Variants in NUP210L observed in about 807,000 individuals in gnomAD.
The protein encoded by NUP210L is nuclear pore membrane glycoprotein 210-like.
NUP210L carries 74 observed loss-of-function variants against 208.5 expected under a neutral mutation model. That is an observed-to-expected ratio of 0.35 (90% CI 0.29 to 0.43). The LOEUF is 0.43. Among genes scored for constraint, NUP210L ranks in the 20% least tolerant of loss-of-function variants. The pLI is 1.00. For missense variants in NUP210L, 1,843 were observed against 2,289.4 expected (o/e 0.81, Z 3.98); for synonymous variants, 780 against 816.9 (o/e 0.95, Z 0.77).
chr1:154,118,862 A>C, intron 10 of NUP210L, 54 bp from the exon 11 acceptor site: 1 of 1,083,274 alleles, frequency 9.2e-7, no homozygotes, highest in Non-Finnish European at 1.3e-6. Context: ...TATTCTTATA[A>C]TACACATTCA....
At chr1:154,067,720 T>G (rs1288945099) in intron 17 of NUP210L, among the ~76,000 whole-genome samples, 1 of 152,220 alleles carries the variant, frequency 6.6e-6, no homozygotes, top group African/African-American at 2.4e-5. Context: ...CCAAATCTCC[T>G]TAAGCTGATA....
intron 35 of NUP210L, among the ~76,000 whole-genome samples, chr1:154,007,404 A>G (rs1571159323): frequency 6.6e-6 from 1 of 151,828 alleles, no homozygotes; most frequent in African/African-American, 2.4e-5. Context: ...CTGGGATTAC[A>G]GGCATGTGCC....
At chr1:154,144,700 A>G (rs1217534390) in intron 2 of NUP210L, among the ~76,000 whole-genome samples, 1 of 152,226 alleles carries the variant, frequency 6.6e-6, no homozygotes, top group East Asian at 1.9e-4. Context: ...GCTTCATCCA[A>G]AAAAACCAAA....
chr1:154,136,030 A>G, intron 6 of NUP210L, 58 bp from the exon 7 acceptor site: 1 of 1,158,962 alleles, frequency 8.6e-7, no homozygotes, highest in East Asian at 2.3e-5. Flanking sequence ...GTAGATAATG[A>G]TGTATTCTTG....
chr1:154,014,641 A>C (rs953494298), intron 33 of NUP210L, among the ~76,000 whole-genome samples: 2 of 152,222 alleles, frequency 1.3e-5, no homozygotes, highest in African/African-American at 2.4e-5. Context: ...TTATGTCACC[A>C]CTAGACTATG....
chr1:154,108,065 T>C (rs1163011855), intron 12 of NUP210L, among the ~76,000 whole-genome samples: 1 of 152,062 alleles, frequency 6.6e-6, no homozygotes, highest in Non-Finnish European at 1.5e-5. Flanking sequence ...GGAATAACTA[T>C]AACAACTATT....
chr1:154,012,863 G>A (rs1200122187), intron 33 of NUP210L, among the ~76,000 whole-genome samples: 2 of 151,794 alleles, frequency 1.3e-5, no homozygotes, highest in African/African-American at 2.4e-5. Context: ...AAAATTAGCC[G>A]GGCTTGGTGG....
At chr1:154,138,328 A>G in intron 5 of NUP210L, 90 bp from the exon 6 acceptor site, 1 of 1,174,804 alleles carries the variant, frequency 8.5e-7, no homozygotes, top group Non-Finnish European at 1.2e-6. Context: ...ACTTCTTTTA[A>G]ACTTCTTTTA....
chr1:154,090,810 TA>T (rs78712088), intron 15 of NUP210L, among the ~76,000 whole-genome samples: 579 of 135,256 alleles, frequency 4.3e-3, no homozygotes, highest in Non-Finnish European at 3.9e-3. Flanking sequence ...AAACTACATC[TA>T]AAAAAAAAAA....
intron 21 of NUP210L, 124 bp from the exon 22 acceptor site, chr1:154,058,340 A>G (rs1653979086): frequency 1.8e-6 from 2 of 1,124,938 alleles, no homozygotes; most frequent in Non-Finnish European, 2.5e-6. Context: ...GCCTTCAATC[A>G]AATAAGCTTA....
At chr1:154,109,981 C>T (rs1156607162) in intron 12 of NUP210L, among the ~76,000 whole-genome samples, 1 of 151,284 alleles carries the variant, frequency 6.6e-6, no homozygotes, top group African/African-American at 2.5e-5. Flanking sequence ...CACCTGTAAT[C>T]CCTGCACTTT....
At chr1:154,094,017 C>T (rs1325214161) in intron 15 of NUP210L, among the ~76,000 whole-genome samples, 1 of 152,004 alleles carries the variant, frequency 6.6e-6, no homozygotes. Context: ...GGCATGGTTG[C>T]TCACGCCTGT....
chr1:154,096,715 T>C (rs1412438972), intron 14 of NUP210L, among the ~76,000 whole-genome samples: 1 of 151,374 alleles, frequency 6.6e-6, no homozygotes, highest in Non-Finnish European at 1.5e-5. Flanking sequence ...ATTGTGCCAT[T>C]GCACTCCAGC....
chr1:154,006,462 T>TA (rs1436799713), intron 35 of NUP210L, among the ~76,000 whole-genome samples: 1 of 151,972 alleles, frequency 6.6e-6, no homozygotes, highest in Admixed American at 6.6e-5. Flanking sequence ...TTCATATAGA[T>TA]ACTCCTCCTT....
intron 27 of NUP210L, among the ~76,000 whole-genome samples, chr1:154,036,315 TGTGTGTGTG>T (rs1488208481): frequency 0.011 from 30 of 2,616 alleles, no homozygotes; most frequent in Non-Finnish European, 0.019. Context: ...AGTTGGAACA[TGTGTGTGTG>T]TGTGTGTGTG....
In NUP210L at chr1:154,154,764, G is replaced by A. The variant is rs1237907511; in HGVS notation, c.203+78C>T. ...GCGGCCCCACACGGTATTCCTGTGG[G>A]ATCTTACAGAGGGAACCCCCCTCAC... On this transcript the variant is annotated intron_variant, in intron 1 of 39. Coordinates refer to ENST00000368559, the Ensembl canonical transcript of NUP210L. The A allele has an allele frequency of 3.4e-6, 4 of 1,165,718 alleles. No individual in the cohort carries two copies. In the East Asian group the frequency reaches 9.4e-5, roughly 27 times the overall value. 72.2% of individuals were successfully genotyped at this position (1,165,718 alleles called of 1,614,324 possible). A position where few individuals can be genotyped will look rare whatever the true frequency, so the allele number is the denominator to read the frequency against.
At chr1:154,143,403 C>T (rs1658953103) in intron 3 of NUP210L, 43 bp downstream of exon 3, 1 of 1,587,470 alleles carries the variant, frequency 6.3e-7, no homozygotes, top group Non-Finnish European at 8.6e-7. Flanking sequence ...ACAGATATTA[C>T]TTTATTTTAG....
chr1:154,114,229 G>T (rs1328774001), intron 12 of NUP210L, among the ~76,000 whole-genome samples: 1 of 151,906 alleles, frequency 6.6e-6, no homozygotes, highest in Non-Finnish European at 1.5e-5. Context: ...TGAGGTCAAG[G>T]CTGGAGTAGG....
At chr1:154,051,997 T>C (rs1201785790) in intron 25 of NUP210L, among the ~76,000 whole-genome samples, 4 of 152,294 alleles carry the variant, frequency 2.6e-5, no homozygotes, top group Admixed American at 6.5e-5. Context: ...CTCCCTAAAA[T>C]AGCAGTTGCA....
Sources: gnomAD v4.1 joint callset for allele counts (sites outside exome capture counted in the v4.1 genomes callset) on GRCh38, gnomAD v4.1.1 for gene constraint, MANE v1.5 for transcripts, NCBI Gene and HGNC (gene_info 2026-07-23, HGNC 2026-07-21) for gene names.